The following DDX42 variants were observed in gnomAD, a reference collection of about 807,000 sequenced individuals.
DDX42 encodes DEAD-box helicase 42, also known as ATP-dependent RNA helicase DDX42.
Under a neutral mutation model 101.5 loss-of-function variants are expected in DDX42, and 22 were observed. The observed-to-expected ratio is 0.22, with a 90% CI of 0.15 to 0.31. DDX42 has a LOEUF of 0.31. Among genes scored for constraint, DDX42 ranks in the 10% least tolerant of loss-of-function variants. The pLI is 1.00. For missense variants in DDX42, 849 were observed against 1,199.9 expected, an observed-to-expected ratio of 0.71 and a Z score of 4.32; for synonymous variants, 402 against 401.2, an observed-to-expected ratio of 1.00 and a Z score of -0.02.
At chr17:63,790,524 G>A (rs2039613674) in intron 2 of DDX42, among the ~76,000 whole-genome samples, 2 of 152,192 alleles carry the variant, frequency 1.3e-5, no homozygotes, top group African/African-American at 4.8e-5. Flanking sequence ...ACTTTGGAAG[G>A]CCGAGGCGGG....
Position 63,805,106 on chromosome 17 carries a change from T to C in DDX42, c.657T>C (p.Asn219=). ...DYPPFEKNFY[N]EHEEITNLTP... ...CACCATTTGAAAAAAACTTTTACAA[T>C]GAGCATGAAGAGATAACCAACCTCA... The change falls in exon 7 of 18, where the codon AAT becomes AAC. Residue 219 remains asparagine (N), a synonymous_variant. Coordinates refer to ENST00000389924, the MANE Select transcript of DDX42 (RefSeq NM_203499.3). The C allele has an allele frequency of 2.5e-6, 4 of 1,611,196 alleles. No homozygotes were observed. The highest frequency in any genetic ancestry group is 1.1e-5 in the South Asian group (1 of 89,916).
intron 15 of DDX42, 143 bp downstream of exon 15, chr17:63,813,597 G>A: frequency 1.1e-5 from 7 of 642,568 alleles, no homozygotes; most frequent in Non-Finnish European, 5.3e-6. Context: ...GATAGGAATT[G>A]TGAGATACTA....
chr17:63,817,553 T>TA, intron 17 of DDX42, 141 bp from the exon 18 acceptor site: 2 of 754,986 alleles, frequency 2.6e-6, no homozygotes, highest in Non-Finnish European at 4.2e-6. Context: ...AAAGGGACCA[T>TA]ACTGTGGGGC....
intron 1 of DDX42, among the ~76,000 whole-genome samples, chr17:63,779,738 T>TC (rs1390505206): frequency 6.6e-6 from 1 of 151,582 alleles, no homozygotes. Context: ...TCTAGGTATC[T>TC]CTTTTTTTTT....
chr17:63,786,561 A>G (rs1236550658), intron 1 of DDX42, among the ~76,000 whole-genome samples: 2 of 152,226 alleles, frequency 1.3e-5, no homozygotes, highest in Admixed American at 1.3e-4. Flanking sequence ...AGTAGTTGGC[A>G]TTACTGGCCT....
chr17:63,795,504 A>G (rs1404897331), intron 3 of DDX42, among the ~76,000 whole-genome samples: 1 of 139,970 alleles, frequency 7.1e-6, no homozygotes, highest in Non-Finnish European at 1.5e-5. Flanking sequence ...GCACCACACC[A>G]CCACACTTGG....
At chr17:63,793,626 C>T (rs985487739) in intron 3 of DDX42, among the ~76,000 whole-genome samples, 1 of 152,076 alleles carries the variant, frequency 6.6e-6, no homozygotes. Context: ...ATCAGTATTT[C>T]TCTGAGAACA....
At chr17:63,809,346 G>T (rs1179986586) in intron 10 of DDX42, among the ~76,000 whole-genome samples, 1 of 152,190 alleles carries the variant, frequency 6.6e-6, no homozygotes, top group Non-Finnish European at 1.5e-5. Context: ...CTTTCCCACA[G>T]AATTTAAATC....
intron 6 of DDX42, 89 bp downstream of exon 6, chr17:63,800,706 C>G: frequency 2.0e-6 from 3 of 1,490,016 alleles, no homozygotes; most frequent in Non-Finnish European, 2.7e-6. Context: ...TAGTGGAATA[C>G]TCTTACATCA....
intron 13 of DDX42, 122 bp downstream of exon 13, chr17:63,811,295 C>CT (rs1288816993): frequency 3.2e-5 from 23 of 726,178 alleles, no homozygotes; most frequent in African/African-American, 1.5e-4. Flanking sequence ...ATGCAACATG[C>CT]TTGAGATTGG....
In DDX42 at chr17:63,787,137, A is replaced by G. The variant is rs758317871; in HGVS notation, c.88A>G (p.Lys30Glu). ...AISAGKKEEP[K>E]LPQQSHSAFG... ...CAGTGCTGGGAAAAAGGAGGAACCCAAACTCCCACAGCAGTCCCACAGTGC... is the reference window on the plus strand; with the variant it reads ...CAGTGCTGGGAAAAAGGAGGAACCCGAACTCCCACAGCAGTCCCACAGTGC... Residue 30 changes from lysine (K) to glutamate (E), a missense_variant, in exon 2 of 18, where the codon AAA becomes GAA. By Grantham distance (56) the Lys-to-Glu change is moderately conservative. Coordinates refer to ENST00000389924, the MANE Select transcript of DDX42 (RefSeq NM_203499.3). 12 of 1,614,104 alleles carry G rather than the reference A, an allele frequency of 7.4e-6. No homozygotes were observed. The highest frequency in any genetic ancestry group is 1.0e-5 in the Non-Finnish European group (12 of 1,180,040).
Position 63,817,819 on chromosome 17 carries a change from A to G in DDX42, c.2238A>G (p.Gln746=), listed in dbSNP as rs142400835. The change falls in exon 18 of 18, where the codon CAA becomes CAG. Residue 746 remains glutamine (Q), a synonymous_variant. Coordinates refer to ENST00000389924, the MANE Select transcript of DDX42 (RefSeq NM_203499.3). ...SLNSVPTNSA[Q]QGHNSPDSPV... ...ATTCTGTTCCAACTAACTCAGCACA[A>G]CAGGGCCATAACAGTCCTGACAGCC... is the stretch of plus-strand genomic sequence containing the variant. 148 of 1,614,184 alleles carry G rather than the reference A, an allele frequency of 9.2e-5. 1 individual carries two copies. In the African/African-American group the frequency reaches 1.7e-3, roughly 19 times the overall value.
chr17:63,801,063 T>TG (rs2039762504), intron 6 of DDX42, among the ~76,000 whole-genome samples: 1 of 151,628 alleles, frequency 6.6e-6, no homozygotes, highest in Non-Finnish European at 1.5e-5. Flanking sequence ...CTTTCTTCTT[T>TG]TTCTCTCTCT....
chr17:63,791,785 G>A (rs2039630931), intron 2 of DDX42, among the ~76,000 whole-genome samples: 1 of 152,038 alleles, frequency 6.6e-6, no homozygotes, highest in Admixed American at 6.6e-5. Context: ...AGTGGCTCTC[G>A]CCTGTAATCT....
chr17:63,793,529 A>G (rs1290044445), intron 3 of DDX42, among the ~76,000 whole-genome samples: 1 of 152,148 alleles, frequency 6.6e-6, no homozygotes, highest in Non-Finnish European at 1.5e-5. Context: ...CAGCCTCCCA[A>G]AGCGCTTGGA....
intron 12 of DDX42, 103 bp downstream of exon 12, chr17:63,810,663 G>T: frequency 8.6e-7 from 1 of 1,164,476 alleles, no homozygotes; most frequent in Non-Finnish European, 1.3e-6. Flanking sequence ...TCTTGTGTCT[G>T]TTGGTGAGAA....
chr17:63,779,516 G>T (rs577272424), intron 1 of DDX42, among the ~76,000 whole-genome samples: 12 of 151,844 alleles, frequency 7.9e-5, no homozygotes, highest in African/African-American at 2.9e-4. Context: ...CTCCTGCCTT[G>T]GCTTCCCAAA....
chr17:63,792,745 A>G (rs1039501003), intron 3 of DDX42, among the ~76,000 whole-genome samples, 183 bp downstream of exon 3: 1 of 152,008 alleles, frequency 6.6e-6, no homozygotes, highest in African/African-American at 2.4e-5. Context: ...TACTTTTGCA[A>G]TGATTGGTGG....
In DDX42 at chr17:63,800,569, A is replaced by G. The variant is rs1306136225; in HGVS notation, c.573A>G (p.Ala191=). 2.4e-5 allele frequency: 38 copies of G among 1,613,994 alleles called. No homozygotes were observed. Among genetic ancestry groups the G allele is most frequent in the Non-Finnish European group, 3.2e-5 (38 of 1,180,010 alleles). ...ATGATAGTGACGGAAATCCAATTGC[A>G]CCTACCAAAAAAATCATTGATCCTC... ...LEYDSDGNPI[A]PTKKIIDPLP... is the part of the protein sequence containing the mutation. The change falls in exon 6 of 18, where the codon GCA becomes GCG. Residue 191 remains alanine (A), a synonymous_variant. Transcript: ENST00000389924.
Sources: allele counts gnomAD v4.1 joint callset (sites outside exome capture counted in the v4.1 genomes callset), GRCh38; gene constraint gnomAD v4.1.1; transcripts MANE v1.5; gene names NCBI Gene and HGNC (gene_info 2026-07-23, HGNC 2026-07-21).